The following PIAS2 variants were observed in gnomAD, a reference collection of about 807,000 sequenced individuals.
The protein encoded by PIAS2 is E3 SUMO-protein ligase PIAS2.
PIAS2 carries 19 observed loss-of-function variants against 69.7 expected under a neutral mutation model. The observed-to-expected ratio is 0.27, with a 90% CI of 0.19 to 0.40. The LOEUF is 0.40. PIAS2 is among the 10% of genes least tolerant of loss of function. The pLI is 1.00. For synonymous variants in PIAS2, 261 were observed against 263.2 expected, an observed-to-expected ratio of 0.99 and a Z score of 0.08; for missense variants, 624 against 757.0, an observed-to-expected ratio of 0.82 and a Z score of 2.06.
At chr18:46,812,964 T>C (rs1373895878) in intron 13 of PIAS2, among the ~76,000 whole-genome samples, 1 of 152,184 alleles carries the variant, frequency 6.6e-6, no homozygotes, top group East Asian at 1.9e-4. Context: ...TAGTTGGGTG[T>C]CAATTTTGAA....
At position 46,855,997 on chromosome 18, in the gene PIAS2, G is replaced by GTTTTTTTTTT. The variant is rs1171297653; in HGVS notation, c.585-392_585-383dup. On this transcript the variant is annotated intron_variant, in intron 3 of 13. Transcript: ENST00000585916. ...TTGAAGACTTTTTTCTTTTTCTTTT[G>GTTTTTTTTTT]TTTTTTTTTTTTTTTTTTTTTTTTT... Among the ~76,000 whole-genome samples, 23 of 67,964 alleles carry GTTTTTTTTTT rather than the reference G, an allele frequency of 3.4e-4. 1 individual carries two copies. Among genetic ancestry groups the GTTTTTTTTTT allele is most frequent in the African/African-American group, 6.0e-4 (10 of 16,686 alleles). The allele number at this position is 67,964 out of a possible 152,430, so 44.6% of individuals were successfully genotyped here. A position where few individuals can be genotyped will look rare whatever the true frequency, so the allele number is the denominator to read the frequency against.
At chr18:46,852,369 A>C (rs1173958624) in intron 5 of PIAS2, among the ~76,000 whole-genome samples, 2 of 152,084 alleles carry the variant, frequency 1.3e-5, no homozygotes, top group Non-Finnish European at 2.9e-5. Flanking sequence ...AATCCTCCCC[A>C]TTGCCTTCTA....
rs2056607767 is a variant in PIAS2 at position 46,906,466 on chromosome 18, T to C, written c.24+10856A>G. Among the ~76,000 whole-genome samples, 4 of 151,594 alleles carry C rather than the reference T, an allele frequency of 2.6e-5. No individual in the cohort carries two copies. The South Asian group carries it at 8.4e-4, about 32-fold the overall frequency. On this transcript the variant is annotated intron_variant, in intron 1 of 13. Transcript: ENST00000585916. ...AAAGATAATTAATCACAATTAGGAG[T>C]ATAGCAAGGTTATTATACAAAGTCA...
At chr18:46,907,339 T>C (rs1216193619) in intron 1 of PIAS2, among the ~76,000 whole-genome samples, 1 of 152,194 alleles carries the variant, frequency 6.6e-6, no homozygotes, top group Middle Eastern at 3.2e-3. Flanking sequence ...ACATCATTAC[T>C]TATTAGGGAG....
rs115782618 is a variant in PIAS2 at position 46,814,110 on chromosome 18, C to T, written c.1686+1202G>A. ...AGTGCTGCCATCAACAGGCTCTGTG[C>T]GTTGAATTCTTAGTAGTATTCAGAT... is the stretch of plus-strand genomic sequence containing the variant. On this transcript the variant is annotated intron_variant, in intron 13 of 13. Transcript: ENST00000585916. Among the ~76,000 whole-genome samples, 1,291 of 152,192 alleles carry T rather than the reference C, an allele frequency of 8.5e-3. 9 individuals carry two copies. Among genetic ancestry groups the T allele is most frequent in the African/African-American group, 0.021 (878 of 41,538 alleles).
At chr18:46,901,367 C>A (rs910266403) in intron 1 of PIAS2, 3 of 202,356 alleles carry the variant, frequency 1.5e-5, no homozygotes, top group African/African-American at 2.4e-5. Context: ...CAGGATCATG[C>A]CATTGCACTC....
At chr18:46,847,255 AG>A (rs2046288010) in intron 5 of PIAS2, among the ~76,000 whole-genome samples, 1 of 152,224 alleles carries the variant, frequency 6.6e-6, no homozygotes, top group African/African-American at 2.4e-5. Flanking sequence ...CTGGGAAGTG[AG>A]GGGAAAGAAA....
intron 5 of PIAS2, among the ~76,000 whole-genome samples, chr18:46,852,245 G>C (rs893142556): frequency 1.3e-5 from 2 of 152,256 alleles, no homozygotes; most frequent in Admixed American, 1.3e-4. Flanking sequence ...CATCAGATGC[G>C]CATGTGAATT....
intron 8 of PIAS2, among the ~76,000 whole-genome samples, chr18:46,842,764 C>T (rs2045613731): frequency 6.6e-6 from 1 of 152,158 alleles, no homozygotes; most frequent in South Asian, 2.1e-4. Context: ...GTGTGTCCTT[C>T]CGCATGCCTC....
rs1435643118 is a variant in PIAS2, at chr18:46,917,380, C to T, written c.-35G>A. Reference sequence around the variant, plus strand: ...CCCGCGGGCGCCGCCGCCGCTGCCGCCGCACCCACTCCCGCTGCCGCCAAC... The same window carrying T: ...CCCGCGGGCGCCGCCGCCGCTGCCGTCGCACCCACTCCCGCTGCCGCCAAC... On this transcript the variant is annotated 5_prime_UTR_variant, in exon 1 of 14. Coordinates refer to ENST00000585916, the MANE Select transcript of PIAS2 (RefSeq NM_004671.5). 3 of 1,451,636 alleles carry T rather than the reference C, an allele frequency of 2.1e-6. No individual in the cohort carries two copies. Among genetic ancestry groups the T allele is most frequent in the African/African-American group, 1.5e-5 (1 of 67,108 alleles). The allele number at this position is 1,451,636 out of a possible 1,614,324, so 89.9% of individuals were successfully genotyped here.
chr18:46,837,801 T>A (rs974266799), intron 8 of PIAS2, among the ~76,000 whole-genome samples: 1 of 152,200 alleles, frequency 6.6e-6, no homozygotes, highest in African/African-American at 2.4e-5. Flanking sequence ...ATATCACTGT[T>A]TATAACCAGT....
At chr18:46,828,168 G>A in intron 10 of PIAS2, 38 bp from the exon 11 acceptor site, 1 of 1,545,906 alleles carries the variant, frequency 6.5e-7, no homozygotes, top group Non-Finnish European at 8.7e-7. Flanking sequence ...AAAATTAAAG[G>A]TATAACACAA....
chr18:46,816,959 T>G (rs1599288568), intron 12 of PIAS2: 7 of 934,692 alleles, frequency 7.5e-6, no homozygotes, highest in Non-Finnish European at 5.1e-6. Context: ...TCCCTTCTTA[T>G]GCCAAACAAT....
At chr18:46,903,269 T>C (rs1023547952) in intron 1 of PIAS2, among the ~76,000 whole-genome samples, 2 of 151,332 alleles carry the variant, frequency 1.3e-5, no homozygotes, top group African/African-American at 4.9e-5. Context: ...AAAAAGACAA[T>C]CAACAGACTC....
At chr18:46,831,368 A>C (rs1342136406) in intron 9 of PIAS2, among the ~76,000 whole-genome samples, 1 of 152,194 alleles carries the variant, frequency 6.6e-6, no homozygotes, top group Non-Finnish European at 1.5e-5. Flanking sequence ...GAGACAAATA[A>C]ACAGAAAGAT....
rs1260819331 is a variant in PIAS2, at chr18:46,806,139, G to A, written c.*6294C>T. ...TCTAGATTCCCATATCAGTCTCCTA[G>A]ATAGCACAGCTAATTAACGTCACTT... On this transcript the variant is annotated 3_prime_UTR_variant, in exon 14 of 14. Coordinates refer to ENST00000585916, the MANE Select transcript of PIAS2 (RefSeq NM_004671.5). The A allele has an allele frequency of 6.6e-6, 1 of 152,046 alleles. No homozygotes were observed. The highest frequency in any genetic ancestry group is 2.4e-5 in the African/African-American group (1 of 41,384). The allele number at this position is 152,046 out of a possible 1,614,324, so 9.4% of individuals were successfully genotyped here.
chr18:46,806,377 T>G lies in PIAS2; in HGVS notation c.*6056A>C, dbSNP rs2040690720. 2 of 131,460 alleles carry G rather than the reference T, an allele frequency of 1.5e-5. No homozygotes were observed. Among genetic ancestry groups the G allele is most frequent in the African/African-American group, 5.9e-5 (2 of 33,984 alleles). The allele number at this position is 131,460 out of a possible 1,614,324, so 8.1% of individuals were successfully genotyped here. A position where few individuals can be genotyped will look rare whatever the true frequency, so the allele number is the denominator to read the frequency against. On this transcript the variant is annotated 3_prime_UTR_variant, in exon 14 of 14. Transcript: ENST00000585916. Reference sequence around the variant, plus strand: ...ACTTTTTTTTTTTTTTTTTTTTTTTTTTTTTGGTCTCACTCTGTCACCCAG... The same window carrying G: ...ACTTTTTTTTTTTTTTTTTTTTTTTGTTTTTGGTCTCACTCTGTCACCCAG...
rs9954637 is a variant in PIAS2 at position 46,916,286 on chromosome 18, C to T, written c.24+1036G>A. Among the ~76,000 whole-genome samples, 964 of 152,108 alleles carry T rather than the reference C, an allele frequency of 6.3e-3. 19 individuals are homozygous for T. Among genetic ancestry groups the T allele is most frequent in the African/African-American group, 0.022 (907 of 41,478 alleles). On this transcript the variant is annotated intron_variant, in intron 1 of 13. Coordinates refer to ENST00000585916, the MANE Select transcript of PIAS2 (RefSeq NM_004671.5). ...AAACAATAAATATACAAAACTGAACCTTTTACCGGATTCCTCTTCCTTATT... is the reference window on the plus strand; with the variant it reads ...AAACAATAAATATACAAAACTGAACTTTTTACCGGATTCCTCTTCCTTATT...
At chr18:46,911,214 CTTT>C (rs149777627) in intron 1 of PIAS2, among the ~76,000 whole-genome samples, 3 of 139,786 alleles carry the variant, frequency 2.1e-5, no homozygotes, top group Admixed American at 7.2e-5. Flanking sequence ...TGTTATATTT[CTTT>C]TTTTTTTTTT....
Sources: gnomAD v4.1 joint callset for allele counts (sites outside exome capture counted in the v4.1 genomes callset) on GRCh38, gnomAD v4.1.1 for gene constraint, MANE v1.5 for transcripts, NCBI Gene and HGNC (gene_info 2026-07-23, HGNC 2026-07-21) for gene names.